The following L3HYPDH variants were observed in gnomAD, a reference collection of about 807,000 sequenced individuals.
L3HYPDH encodes the protein trans-3-hydroxy-L-proline dehydratase.
L3HYPDH carries 32 observed loss-of-function variants against 26.5 expected under a neutral mutation model. The ratio of observed to expected loss-of-function variants is 1.21; its 90% confidence interval spans 0.91 to 1.62. The LOEUF (loss-of-function observed/expected upper bound fraction) is 1.62, where lower values mean the gene tolerates loss of function less well. Among genes scored for constraint, L3HYPDH ranks in the 40% most tolerant of loss-of-function variants. The probability of loss-of-function intolerance (pLI) is 0.00; values close to 1 mark genes in which losing one functional copy is unlikely to be tolerated. For missense variants in L3HYPDH, 554 were observed against 476.4 expected (o/e 1.16, Z -1.52); for synonymous variants, 215 against 196.6 (o/e 1.09, Z -0.78).
chr14:59,499,015 CTTTTTTTTTTTTTTTTT>C, the L3HYPDH span: 1 of 123,052 alleles, frequency 8.1e-6, no homozygotes, highest in Non-Finnish European at 1.4e-5. Flanking sequence ...TTGTTTAATC[CTTTTTTTTTTTTTTTTT>C]TTTTTTTTTT....
At chr14:59,496,339 C>CT in the L3HYPDH span, among the ~76,000 whole-genome samples, 1 of 151,512 alleles carries the variant, frequency 6.6e-6, no homozygotes, top group African/African-American at 2.4e-5. Context: ...GAGCTTAACT[C>CT]TAAGCATTAA....
chr14:59,475,774 G>A (rs1889583933), intron 4 of L3HYPDH, 95 bp downstream of exon 4: 2 of 1,240,248 alleles, frequency 1.6e-6, no homozygotes, highest in Middle Eastern at 2.9e-4. Flanking sequence ...TCTCTTCTGA[G>A]AGCTGAGTGA....
intron 1 of L3HYPDH, among the ~76,000 whole-genome samples, chr14:59,479,860 TC>T (rs1450627117): frequency 5.9e-5 from 9 of 152,206 alleles, no homozygotes; most frequent in African/African-American, 2.2e-4. Flanking sequence ...TGTTTTCATC[TC>T]CTTAAGGTAT....
chr14:59,491,042 G>A, the L3HYPDH span, among the ~76,000 whole-genome samples: 1 of 152,180 alleles, frequency 6.6e-6, no homozygotes. Context: ...CTAGGAAATT[G>A]GTAACAAGGA....
At chr14:59,500,281 G>A in the L3HYPDH span, among the ~76,000 whole-genome samples, 2 of 152,164 alleles carry the variant, frequency 1.3e-5, no homozygotes, top group African/African-American at 2.4e-5. Flanking sequence ...GTTTCTAGCT[G>A]CTGAATCCTG....
At chr14:59,499,761 C>T in the L3HYPDH span, among the ~76,000 whole-genome samples, 4 of 152,134 alleles carry the variant, frequency 2.6e-5, no homozygotes, top group East Asian at 1.9e-4. Context: ...GAGGGTAAGA[C>T]CAAGGGAACC....
At chr14:59,482,790 CT>C (rs1311186373) in intron 1 of L3HYPDH, among the ~76,000 whole-genome samples, 2 of 152,218 alleles carry the variant, frequency 1.3e-5, no homozygotes, top group Non-Finnish European at 2.9e-5. Context: ...CAAGGTCCAA[CT>C]TTCTAACAGA....
the L3HYPDH span, among the ~76,000 whole-genome samples, chr14:59,496,379 G>A: frequency 6.6e-6 from 1 of 151,534 alleles, no homozygotes; most frequent in Admixed American, 6.6e-5. Context: ...CTCTCCTAAG[G>A]CCTTGCATAA....
the L3HYPDH span, among the ~76,000 whole-genome samples, chr14:59,489,834 G>T: frequency 1.3e-5 from 2 of 152,166 alleles, no homozygotes; most frequent in African/African-American, 4.8e-5. Context: ...TGTGAGAGGA[G>T]GCAGGAGGCA....
At chr14:59,473,824 A>AAGTGACGGTAACATCTAAATGG (rs1445356944) in intron 4 of L3HYPDH, among the ~76,000 whole-genome samples, 6 of 152,092 alleles carry the variant, frequency 3.9e-5, no homozygotes, top group Non-Finnish European at 7.4e-5. Flanking sequence ...GGTGGGGATG[A>AAGTGACGGTAACATCTAAATGG]AGTGACGGTA....
intron 1 of L3HYPDH, among the ~76,000 whole-genome samples, chr14:59,465,594 C>T (rs1237698895): frequency 6.6e-6 from 1 of 152,210 alleles, no homozygotes; most frequent in Non-Finnish European, 1.5e-5. Flanking sequence ...AACAAATGAC[C>T]AGATTCAACG....
At chr14:59,478,541 C>T (rs1889792915) in intron 2 of L3HYPDH, among the ~76,000 whole-genome samples, 1 of 152,148 alleles carries the variant, frequency 6.6e-6, no homozygotes, top group Admixed American at 6.5e-5. Context: ...GCTATGATCA[C>T]ACCACTGCAC....
Position 59,473,029 on chromosome 14 carries a change from G to A in L3HYPDH, c.1001C>T (p.Thr334Met), listed in dbSNP as rs569233740. 208 of 1,608,154 alleles carry A rather than the reference G, an allele frequency of 1.3e-4. No homozygotes were observed. In the South Asian group the frequency reaches 1.6e-3, roughly 12 times the overall value. ...IVEVSGQAHY[T>M]GTASFIIEDD... is the part of the protein sequence containing the mutation. ...TTCTATTATAAAGCTTGCTGTACCC[G>A]TGTAATGGGCTTGTCCTGATACTTC... Residue 334 changes from threonine (T) to methionine (M), a missense_variant, in exon 5 of 5, where the codon ACG (threonine) becomes ATG (methionine). Coordinates refer to ENST00000247194, the MANE Select transcript of L3HYPDH (RefSeq NM_144581.2).
downstream of L3HYPDH, among the ~76,000 whole-genome samples, chr14:59,469,558 TAAAAAAAAAAAAAAAAA>T (rs36113229): frequency 2.3e-5 from 1 of 43,310 alleles, no homozygotes; most frequent in East Asian, 8.2e-4. Flanking sequence ...TCCATCTCAT[TAAAAAAAAAAAAAAAAA>T]AAAAAAAAAA....
the L3HYPDH span, chr14:59,501,350 T>C: frequency 6.2e-6 from 5 of 809,736 alleles, no homozygotes; most frequent in African/African-American, 7.0e-5. Flanking sequence ...TGATATGATA[T>C]AGTACAACTA....
At chr14:59,473,611 G>C (rs1889421341) in intron 4 of L3HYPDH, among the ~76,000 whole-genome samples, 1 of 152,198 alleles carries the variant, frequency 6.6e-6, no homozygotes, top group Non-Finnish European at 1.5e-5. Flanking sequence ...GTGAGTTTGA[G>C]ACACCTCTGG....
chr14:59,483,420 GCA>G (rs1890204015), intron 1 of L3HYPDH: 1 of 801,190 alleles, frequency 1.2e-6, no homozygotes, highest in African/African-American at 1.8e-5. Context: ...TGTCTACCAA[GCA>G]TATTCTCAGC....
chr14:59,484,095 G>T lies in L3HYPDH; in HGVS notation c.222C>A (p.Asp74Glu), dbSNP rs144342774. 1.9e-6 allele frequency: 3 copies of T among 1,606,266 alleles called. No homozygotes were observed. Among genetic ancestry groups the T allele is most frequent in the Non-Finnish European group, 2.5e-6 (3 of 1,179,448 alleles). ...TCGGGACTAGGACCGCCCCGTACAT[G>T]TCCCGGTGCCCTCGGGGCTCGAACA... ...RLMFEPRGHR[D>E]MYGAVLVPSE... is the part of the protein sequence containing the mutation. The change falls in exon 1 of 5, where the codon GAC becomes GAA. Residue 74 changes from aspartate to glutamate, a missense_variant. Asp to Glu is a conservative substitution (Grantham distance 45, BLOSUM62 2). Coordinates refer to ENST00000247194, the MANE Select transcript of L3HYPDH (RefSeq NM_144581.2).
At chr14:59,480,515 A>G (rs1326489341) in intron 1 of L3HYPDH, among the ~76,000 whole-genome samples, 1 of 152,256 alleles carries the variant, frequency 6.6e-6, no homozygotes, top group African/African-American at 2.4e-5. Context: ...AGGGGACAAC[A>G]CATGGAGTGA....
Sources: allele counts gnomAD v4.1 joint callset (sites outside exome capture counted in the v4.1 genomes callset), GRCh38; gene constraint gnomAD v4.1.1; transcripts MANE v1.5; gene names NCBI Gene and HGNC (gene_info 2026-07-23, HGNC 2026-07-21).